The following MACROD2 variants were observed in gnomAD, a reference collection of about 807,000 sequenced individuals.
MACROD2 encodes ADP-ribose glycohydrolase MACROD2.
In MACROD2, 36 loss-of-function variants were observed where a neutral mutation model predicts 70.4. The observed-to-expected ratio is 0.51, with a 90% CI of 0.39 to 0.68. The LOEUF (loss-of-function observed/expected upper bound fraction) is 0.68. Ranked by LOEUF, MACROD2 falls within the 30% of genes least tolerant of loss-of-function variation. The pLI, the probability that MACROD2 is intolerant of heterozygous loss-of-function variation, is 0.00. For missense variants in MACROD2, 496 were observed against 538.4 expected, an observed-to-expected ratio of 0.92 and a Z score of 0.78; for synonymous variants, 172 against 178.8, an observed-to-expected ratio of 0.96 and a Z score of 0.30.
intron 3 of MACROD2, among the ~76,000 whole-genome samples, chr20:14,289,668 G>C (rs1486080313): frequency 2.6e-5 from 4 of 152,058 alleles, no homozygotes; most frequent in Non-Finnish European, 5.9e-5. Flanking sequence ...CAGCCTCCCA[G>C]GTTGCTGGGA....
At chr20:15,435,593 T>A (rs1161545559) in intron 7 of MACROD2, among the ~76,000 whole-genome samples, 3 of 152,170 alleles carry the variant, frequency 2.0e-5, no homozygotes, top group Non-Finnish European at 4.4e-5. Context: ...ATTTACTGAG[T>A]GTGAAATTTT....
At chr20:15,228,615 G>T (rs1005157334) in intron 5 of MACROD2, among the ~76,000 whole-genome samples, 3 of 148,618 alleles carry the variant, frequency 2.0e-5, no homozygotes, top group Non-Finnish European at 4.4e-5. Context: ...TCAGTCTCCC[G>T]AGTAGCTGGG....
rs374464781 is a variant in MACROD2 at position 14,322,175 on chromosome 20, AATAT to A, written c.272-171281_272-171278del. On this transcript the variant is annotated intron_variant, in intron 3 of 17. Transcript: ENST00000684519. ...GACTTGTATCTTGATATTCTATTGA[AATAT>A]ATATATATATATATATATATATTTT... is the stretch of plus-strand genomic sequence containing the variant. Among the ~76,000 whole-genome samples the A allele has an allele frequency of 2.0e-3, 131 of 66,378 alleles. 6 individuals carry two copies. Among genetic ancestry groups the A allele is most frequent in the African/African-American group, 3.5e-3 (77 of 21,892 alleles). 43.5% of individuals were successfully genotyped at this position (66,378 alleles called of 152,430 possible). A position where few individuals can be genotyped will look rare whatever the true frequency, so the allele number is the denominator to read the frequency against.
intron 6 of MACROD2, among the ~76,000 whole-genome samples, chr20:15,287,370 C>A (rs1402065253): frequency 1.3e-5 from 2 of 152,138 alleles, no homozygotes; most frequent in South Asian, 2.1e-4. Context: ...CCTGTTACCA[C>A]GGCTTCTTAA....
At chr20:14,337,485 T>TC in intron 3 of MACROD2, 1 of 397,924 alleles carries the variant, frequency 2.5e-6, no homozygotes, top group Non-Finnish European at 4.4e-6. Flanking sequence ...GTAATAGCCC[T>TC]CCCCCGTCTC....
chr20:14,773,247 A>G (rs896980165), intron 5 of MACROD2, among the ~76,000 whole-genome samples: 2 of 152,126 alleles, frequency 1.3e-5, no homozygotes, highest in East Asian at 1.9e-4. Context: ...TGAAAACTGA[A>G]TATCTGATAG....
chr20:15,672,167 A>G (rs2049988549), intron 8 of MACROD2, among the ~76,000 whole-genome samples: 1 of 152,118 alleles, frequency 6.6e-6, no homozygotes. Flanking sequence ...TGTGCTTATG[A>G]ATCGTCTCTG....
intron 2 of MACROD2, among the ~76,000 whole-genome samples, chr20:14,036,067 A>G (rs1192710006): frequency 1.3e-5 from 2 of 151,944 alleles, no homozygotes; most frequent in African/African-American, 2.4e-5. Context: ...GCGTGAATCC[A>G]GGAGGTGGAG....
At chr20:14,793,189 G>T (rs537584438) in intron 5 of MACROD2, among the ~76,000 whole-genome samples, 1 of 152,200 alleles carries the variant, frequency 6.6e-6, no homozygotes, top group East Asian at 1.9e-4. Context: ...ACTTGTGTGT[G>T]TGTGTGTGTA....
At chr20:14,232,378 T>C (rs1410406244) in intron 3 of MACROD2, among the ~76,000 whole-genome samples, 1 of 152,224 alleles carries the variant, frequency 6.6e-6, no homozygotes, top group African/African-American at 2.4e-5. Context: ...AAATCCCAGA[T>C]AGTGTCATCT....
At chr20:14,974,653 G>T (rs1410214222) in intron 5 of MACROD2, among the ~76,000 whole-genome samples, 4 of 152,134 alleles carry the variant, frequency 2.6e-5, no homozygotes, top group Admixed American at 2.0e-4. Flanking sequence ...GACCTCTAGT[G>T]AAGTAAAATG....
intron 8 of MACROD2, among the ~76,000 whole-genome samples, chr20:15,650,353 C>T (rs1245887371): frequency 6.6e-6 from 1 of 152,186 alleles, no homozygotes; most frequent in African/African-American, 2.4e-5. Context: ...GCTTTTGAGT[C>T]TCTGAAAAAA....
In MACROD2 at chr20:15,780,962, C is replaced by G. The variant is rs926969938; in HGVS notation, c.646-81783C>G. Among the ~76,000 whole-genome samples the G allele has an allele frequency of 2.6e-5, 4 of 152,100 alleles. 1 individual carries two copies. The highest frequency in any genetic ancestry group is 2.6e-4 in the Admixed American group (4 of 15,274). On this transcript the variant is annotated intron_variant, in intron 8 of 17. Coordinates refer to ENST00000684519, the MANE Select transcript of MACROD2 (RefSeq NM_001351661.2). The stretch of plus-strand genomic sequence containing the variant: ...ATACATTGAATGTATTTCTTAATTT[C>G]TCCCTCATTCCTCCTTCTCCCTTTC...
chr20:14,627,097 C>T (rs1461942963), intron 4 of MACROD2: 2 of 152,212 alleles, frequency 1.3e-5, no homozygotes, highest in Admixed American at 1.3e-4. Flanking sequence ...CGAGGACCTG[C>T]TCCCAGAGAG....
intron 8 of MACROD2, 24 bp from the exon 9 acceptor site, chr20:15,862,721 G>T: frequency 6.3e-7 from 1 of 1,584,194 alleles, no homozygotes; most frequent in Non-Finnish European, 8.6e-7. Context: ...TTTTCACTTT[G>T]AGTGTTTTAT....
At chr20:14,668,870 C>T (rs554463630) in intron 4 of MACROD2, among the ~76,000 whole-genome samples, 2 of 151,910 alleles carry the variant, frequency 1.3e-5, no homozygotes, top group Admixed American at 1.3e-4. Flanking sequence ...AGTAAAATTT[C>T]ATCAACATTA....
intron 13 of MACROD2, among the ~76,000 whole-genome samples, chr20:15,972,389 G>A (rs2066244735): frequency 6.6e-6 from 1 of 151,986 alleles, no homozygotes; most frequent in South Asian, 2.1e-4. Context: ...TGACCCCAAA[G>A]CATAAGAAAC....
At chr20:14,308,227 C>G (rs952673957) in intron 3 of MACROD2, among the ~76,000 whole-genome samples, 1 of 152,056 alleles carries the variant, frequency 6.6e-6, no homozygotes, top group Non-Finnish European at 1.5e-5. Context: ...CTTTATAAAC[C>G]CAAGCAAACA....
chr20:14,773,393 C>T (rs6042911), intron 5 of MACROD2, among the ~76,000 whole-genome samples: 4,462 of 151,996 alleles, frequency 0.029, 182 homozygotes, highest in East Asian at 0.11. Flanking sequence ...ATTTCCCAGC[C>T]CCTGGTAACC....
Sources: gnomAD v4.1 joint callset for allele counts (sites outside exome capture counted in the v4.1 genomes callset) on GRCh38, gnomAD v4.1.1 for gene constraint, MANE v1.5 for transcripts, NCBI Gene and HGNC (gene_info 2026-07-23, HGNC 2026-07-21) for gene names.